The following ANKS1A variants were observed in gnomAD, a reference collection of about 807,000 sequenced individuals.
The protein encoded by ANKS1A is ankyrin repeat and sterile alpha motif domain containing 1A.
In ANKS1A, 55 loss-of-function variants were observed where a neutral mutation model predicts 120.3. The ratio of observed to expected loss-of-function variants is 0.46; its 90% CI spans 0.37 to 0.57. The LOEUF (loss-of-function observed/expected upper bound fraction) is 0.57, where lower values mean the gene tolerates loss of function less well. Among genes scored for constraint, ANKS1A ranks in the 20% least tolerant of loss-of-function variants. The pLI, the probability that ANKS1A is intolerant of heterozygous loss-of-function variation, is 0.00. For missense variants in ANKS1A, 1,123 were observed against 1,480.3 expected (o/e 0.76, Z 3.96); for synonymous variants, 590 against 604.7 (o/e 0.98, Z 0.36).
chr6:35,031,567 G>A (rs2127570216), intron 11 of ANKS1A, among the ~76,000 whole-genome samples: 1 of 152,216 alleles, frequency 6.6e-6, no homozygotes, highest in South Asian at 2.1e-4. Flanking sequence ...AGTCGCCAGG[G>A]TTTCCTTCCA....
At chr6:34,935,258 T>C (rs1769191435) in intron 1 of ANKS1A, among the ~76,000 whole-genome samples, 1 of 152,212 alleles carries the variant, frequency 6.6e-6, no homozygotes, top group South Asian at 2.1e-4. Context: ...AGCTAACTTT[T>C]GAAATTTTTG....
At chr6:34,920,677 C>G (rs940213983) in intron 1 of ANKS1A, among the ~76,000 whole-genome samples, 2 of 151,940 alleles carry the variant, frequency 1.3e-5, no homozygotes, top group Non-Finnish European at 2.9e-5. Context: ...GCTAAGATAC[C>G]CATTTAAGAA....
At chr6:34,988,369 G>A (rs1310052564) in intron 8 of ANKS1A, among the ~76,000 whole-genome samples, 1 of 152,198 alleles carries the variant, frequency 6.6e-6, no homozygotes, top group African/African-American at 2.4e-5. Flanking sequence ...GGCCAAGGCG[G>A]GTGGATCACA....
At chr6:34,970,387 A>T (rs913487491) in intron 3 of ANKS1A, among the ~76,000 whole-genome samples, 2 of 152,248 alleles carry the variant, frequency 1.3e-5, no homozygotes, top group South Asian at 2.1e-4. Flanking sequence ...TACTATGAGG[A>T]TGTATTTTAT....
Position 35,079,496 on chromosome 6 carries a change from C to T in ANKS1A, c.2284-20C>T. On this transcript the variant is annotated intron_variant, in intron 14 of 23. Coordinates refer to ENST00000360359, the MANE Select transcript of ANKS1A (RefSeq NM_015245.3). ...TGTGAGTGCTGAGATGTCAGTTTCA[C>T]CTCCCTCCTTGCCCTGTAGGTGAAG... 6.2e-7 allele frequency: 1 copy of T among 1,612,954 alleles called. No individual in the cohort carries two copies.
In ANKS1A at chr6:35,078,466, T is replaced by C. The variant is rs1333995086; in HGVS notation, c.2185-92T>C. 124 of 1,123,852 alleles carry C rather than the reference T, an allele frequency of 1.1e-4. No individual in the cohort carries two copies. The East Asian group carries it at 2.9e-3, about 26-fold the overall frequency. The allele number at this position is 1,123,852 out of a possible 1,614,324, so 69.6% of individuals were successfully genotyped here. Reference sequence around the variant, plus strand: ...TTGGTGCCTGCAGTGAAGGAGAATTTGGTGCAGGGCCCTGAAAGGCCCACC... The same window carrying C: ...TTGGTGCCTGCAGTGAAGGAGAATTCGGTGCAGGGCCCTGAAAGGCCCACC... On this transcript the variant is annotated intron_variant, in intron 13 of 23. Transcript: ENST00000360359.
intron 1 of ANKS1A, among the ~76,000 whole-genome samples, chr6:34,945,657 A>C (rs1769754653): frequency 6.6e-6 from 1 of 152,206 alleles, no homozygotes; most frequent in Admixed American, 6.5e-5. Flanking sequence ...TTTATTGTGC[A>C]TTGTAGACAC....
chr6:35,089,342 G>C lies in ANKS1A; in HGVS notation c.*733G>C, dbSNP rs1287703783. On this transcript the variant is annotated 3_prime_UTR_variant, in exon 24 of 24. Coordinates refer to ENST00000360359, the MANE Select transcript of ANKS1A (RefSeq NM_015245.3). Reference sequence around the variant, plus strand: ...AGTGTGCAGTTTCTAGTGCTGGGAAGTCTTAGCCAGCACCAGAGCGCCAGG... The same window carrying C: ...AGTGTGCAGTTTCTAGTGCTGGGAACTCTTAGCCAGCACCAGAGCGCCAGG... 1.0e-6 allele frequency: 1 copy of C among 986,882 alleles called. No homozygotes were observed. The highest frequency in any genetic ancestry group is 1.2e-6 in the Non-Finnish European group (1 of 830,796). 61.1% of individuals were successfully genotyped at this position (986,882 alleles called of 1,614,324 possible). A position where few individuals can be genotyped will look rare whatever the true frequency, so the allele number is the denominator to read the frequency against.
Position 35,091,205 on chromosome 6 carries a change from A to C in ANKS1A, c.*2596A>C. On this transcript the variant is annotated 3_prime_UTR_variant, in exon 24 of 24. Coordinates refer to ENST00000360359, the MANE Select transcript of ANKS1A (RefSeq NM_015245.3). ...TTCCCTTTTGTTTTACTGTATATAA[A>C]ATTGTTAATCTGTCTGATTTTGTCT... 1.0e-6 allele frequency: 1 copy of C among 985,860 alleles called. No individual in the cohort carries two copies. The allele number at this position is 985,860 out of a possible 1,614,324, so 61.1% of individuals were successfully genotyped here.
At chr6:35,036,472 C>CT (rs1180017500) in intron 11 of ANKS1A, among the ~76,000 whole-genome samples, 2 of 152,240 alleles carry the variant, frequency 1.3e-5, no homozygotes, top group African/African-American at 4.8e-5. Context: ...CTCACGAGAC[C>CT]TTTGACAGCG....
At chr6:35,004,954 A>C (rs1200942208) in intron 10 of ANKS1A, among the ~76,000 whole-genome samples, 1 of 152,156 alleles carries the variant, frequency 6.6e-6, no homozygotes, top group East Asian at 1.9e-4. Context: ...GTGAACTTGC[A>C]TTTTGTATTT....
At chr6:34,968,326 T>G (rs1770998873) in intron 2 of ANKS1A, among the ~76,000 whole-genome samples, 1 of 152,158 alleles carries the variant, frequency 6.6e-6, no homozygotes, top group South Asian at 2.1e-4. Flanking sequence ...GGGAGCACAG[T>G]GAGTGGGTTT....
chr6:34,951,402 A>G (rs541035234), intron 1 of ANKS1A, among the ~76,000 whole-genome samples: 2 of 152,182 alleles, frequency 1.3e-5, no homozygotes, highest in Non-Finnish European at 2.9e-5. Flanking sequence ...TCCATTTTAC[A>G]TAGAGGTTAC....
At chr6:34,959,708 G>T (rs185122505) in intron 1 of ANKS1A, among the ~76,000 whole-genome samples, 1 of 152,276 alleles carries the variant, frequency 6.6e-6, no homozygotes, top group East Asian at 1.9e-4. Flanking sequence ...TTGCTTTTGC[G>T]ATTCTTATTT....
At chr6:35,051,661 C>T (rs912136311) in intron 11 of ANKS1A, among the ~76,000 whole-genome samples, 4 of 152,184 alleles carry the variant, frequency 2.6e-5, no homozygotes, top group Non-Finnish European at 5.9e-5. Context: ...CGCTTGATGC[C>T]AACCCTCATT....
At position 35,083,538 on chromosome 6, in the gene ANKS1A, G is replaced by C. The variant is rs772247882; in HGVS notation, c.2994+35G>C. ...TTACAGGGACTCTTGGTGGGAGTGG[G>C]ACCCACATCCCCGTCAGACCCACAG... On this transcript the variant is annotated intron_variant, in intron 20 of 23. Coordinates refer to ENST00000360359, the MANE Select transcript of ANKS1A (RefSeq NM_015245.3). 16 of 1,602,572 alleles carry C rather than the reference G, an allele frequency of 1.0e-5. No individual in the cohort carries two copies. The Admixed American group carries it at 2.3e-4, about 23-fold the overall frequency.
chr6:34,970,915 G>A (rs538298764), intron 3 of ANKS1A, among the ~76,000 whole-genome samples: 13 of 152,254 alleles, frequency 8.5e-5, no homozygotes, highest in African/African-American at 2.9e-4. Context: ...AGGCTGAGAC[G>A]GGGGATCACT....
intron 1 of ANKS1A, among the ~76,000 whole-genome samples, chr6:34,942,153 G>A (rs935110868): frequency 6.6e-6 from 1 of 152,130 alleles, no homozygotes; most frequent in African/African-American, 2.4e-5. Context: ...CTTAATAATC[G>A]GATGAAGTTT....
At chr6:35,026,434 C>A (rs1774628506) in intron 11 of ANKS1A, among the ~76,000 whole-genome samples, 1 of 152,200 alleles carries the variant, frequency 6.6e-6, no homozygotes, top group Non-Finnish European at 1.5e-5. Context: ...AATCCTCTTG[C>A]CCTCATGGAG....
Sources: allele counts gnomAD v4.1 joint callset (sites outside exome capture counted in the v4.1 genomes callset), GRCh38; gene constraint gnomAD v4.1.1; transcripts MANE v1.5; gene names NCBI Gene and HGNC (gene_info 2026-07-23, HGNC 2026-07-21).